Variants in GRIP1 observed in about 807,000 individuals in gnomAD.
GRIP1 encodes the protein glutamate receptor-interacting protein 1.
In GRIP1, 45 loss-of-function variants were observed where a neutral mutation model predicts 129.9. The ratio of observed to expected loss-of-function variants is 0.35; its 90% CI spans 0.27 to 0.44. The LOEUF is 0.44. Ranked by LOEUF, GRIP1 falls within the 20% of genes least tolerant of loss-of-function variation. The pLI is 1.00. For synonymous variants in GRIP1, 530 were observed against 520.8 expected (o/e 1.02, Z -0.24); for missense variants, 1,196 against 1,396.8 (o/e 0.86, Z 2.29).
At position 67,034,663 on chromosome 12, in the gene GRIP1, G is replaced by A. The variant is rs1302161422; in HGVS notation, c.58+34387C>T. On this transcript the variant is annotated intron_variant, in intron 1 of 1. Transcript: ENST00000643019. ...GAGTGAATGTGAAAGCCTAGAACAC[G>A]ACTGTACATTTTTAACACAACTGGC... 3.9e-5 allele frequency among the ~76,000 whole-genome samples: 6 copies of A among 152,246 alleles called. No individual in the cohort carries two copies. In the East Asian group the frequency reaches 7.7e-4, roughly 20 times the overall value.
chr12:66,686,805 T>C (rs1592743640), intron 1 of GRIP1, among the ~76,000 whole-genome samples: 1 of 152,150 alleles, frequency 6.6e-6, no homozygotes, highest in East Asian at 1.9e-4. Context: ...ACCTGTAATC[T>C]CAGCACTTTG....
At position 66,756,356 on chromosome 12, in the gene GRIP1, T is replaced by C. The variant is rs527820124; in HGVS notation, c.-420+47697A>G. On this transcript the variant is annotated intron_variant, in intron 1 of 4. Coordinates refer to the GRIP1 transcript ENST00000538373. ...GAATTTGTATATCCCCAATGAAGCA[T>C]TGGTATTTCGATCTTTGCTTCAGGG... is the stretch of plus-strand genomic sequence containing the variant. 9.5e-4 allele frequency among the ~76,000 whole-genome samples: 145 copies of C among 152,330 alleles called. 1 individual carries two copies. The highest frequency in any genetic ancestry group is 3.2e-3 in the African/African-American group (134 of 41,572).
intron 1 of GRIP1, among the ~76,000 whole-genome samples, chr12:66,615,063 T>C (rs540403839): frequency 6.6e-6 from 1 of 152,290 alleles, no homozygotes; most frequent in South Asian, 2.1e-4. Context: ...TTTACCTGTT[T>C]AATGTCTGTC....
At chr12:66,409,746 C>T (rs2057319135) in intron 15 of GRIP1, among the ~76,000 whole-genome samples, 1 of 152,174 alleles carries the variant, frequency 6.6e-6, no homozygotes, top group African/African-American at 2.4e-5. Flanking sequence ...GCCTTTCATA[C>T]AGAGAATTCT....
At chr12:66,695,360 A>G (rs545103506) in intron 1 of GRIP1, among the ~76,000 whole-genome samples, 97 of 152,042 alleles carry the variant, frequency 6.4e-4, no homozygotes, top group African/African-American at 2.3e-3. Flanking sequence ...AGTATGCTGG[A>G]CAGAGAACAC....
chr12:66,997,352 G>A (rs894787630), intron 1 of GRIP1, among the ~76,000 whole-genome samples: 2 of 152,068 alleles, frequency 1.3e-5, no homozygotes, highest in Non-Finnish European at 1.5e-5. Flanking sequence ...GTTGAGGTGA[G>A]AGGATCGCTT....
intron 14 of GRIP1, among the ~76,000 whole-genome samples, chr12:66,423,430 T>C (rs1466868342): frequency 6.6e-6 from 1 of 152,250 alleles, no homozygotes; most frequent in African/African-American, 2.4e-5. Context: ...GAGCCTTTGA[T>C]TTCCCATTTG....
chr12:66,804,908 G>A (rs2038958131), upstream of GRIP1, among the ~76,000 whole-genome samples: 1 of 152,192 alleles, frequency 6.6e-6, no homozygotes, highest in Admixed American at 6.5e-5. Flanking sequence ...GTTAATTGGA[G>A]CAGCAGGGAG....
intron 1 of GRIP1, among the ~76,000 whole-genome samples, chr12:66,743,597 TG>T (rs368730364): frequency 1.8e-3 from 148 of 81,282 alleles, no homozygotes; most frequent in Non-Finnish European, 3.9e-3. Context: ...GCTTTTTTTT[TG>T]TGTGTGTGTG....
chr12:66,781,977 C>T (rs1355765601), intron 1 of GRIP1, among the ~76,000 whole-genome samples: 3 of 152,126 alleles, frequency 2.0e-5, no homozygotes, highest in African/African-American at 7.2e-5. Flanking sequence ...TTTATATAAA[C>T]TTCAAAAACA....
chr12:66,615,777 TG>T (rs1219842844), intron 1 of GRIP1, among the ~76,000 whole-genome samples: 1 of 152,176 alleles, frequency 6.6e-6, no homozygotes, highest in Non-Finnish European at 1.5e-5. Flanking sequence ...CCCGAGTAGC[TG>T]GGATTACAGG....
chr12:66,379,758 A>G (rs2056013838), intron 19 of GRIP1, among the ~76,000 whole-genome samples: 1 of 152,154 alleles, frequency 6.6e-6, no homozygotes, highest in Non-Finnish European at 1.5e-5. Context: ...TAATTTTTGG[A>G]GAATCGGTTT....
chr12:66,476,597 T>C (rs561035194), intron 7 of GRIP1, among the ~76,000 whole-genome samples: 3 of 152,176 alleles, frequency 2.0e-5, no homozygotes, highest in Non-Finnish European at 4.4e-5. Flanking sequence ...TAGACCAATA[T>C]CCCTGATGAA....
At chr12:66,416,428 T>G (rs1430211135) in intron 15 of GRIP1, among the ~76,000 whole-genome samples, 1 of 152,002 alleles carries the variant, frequency 6.6e-6, no homozygotes, top group Non-Finnish European at 1.5e-5. Flanking sequence ...AACAAATGAA[T>G]TTGAAATGAA....
chr12:66,477,702 T>C (rs11560004), intron 7 of GRIP1, among the ~76,000 whole-genome samples: 97,088 of 151,868 alleles, frequency 0.64, 31,467 homozygotes, highest in Middle Eastern at 0.78. Context: ...TGGAACAGAA[T>C]AGAGCCCTCA....
chr12:66,713,605 C>A (rs919629614), intron 1 of GRIP1, among the ~76,000 whole-genome samples: 2 of 151,988 alleles, frequency 1.3e-5, no homozygotes, highest in Non-Finnish European at 2.9e-5. Flanking sequence ...AAATATCCTC[C>A]ACTGTCCATC....
chr12:66,441,674 G>A (rs1412118666), intron 13 of GRIP1, among the ~76,000 whole-genome samples: 2 of 152,160 alleles, frequency 1.3e-5, no homozygotes, highest in African/African-American at 4.8e-5. Context: ...ATAGTACAGT[G>A]CTTAGCACCT....
chr12:66,695,363 G>C (rs976783742), intron 1 of GRIP1, among the ~76,000 whole-genome samples: 6 of 151,966 alleles, frequency 3.9e-5, no homozygotes, highest in Admixed American at 1.3e-4. Flanking sequence ...ATGCTGGACA[G>C]AGAACACCTG....
intron 4 of GRIP1, among the ~76,000 whole-genome samples, chr12:66,538,521 C>G (rs1480162651): frequency 2.6e-5 from 4 of 151,876 alleles, no homozygotes; most frequent in Admixed American, 6.6e-5. Flanking sequence ...TTCAAGGAAC[C>G]CTTATTTTAC....
Sources: allele counts gnomAD v4.1 joint callset (sites outside exome capture counted in the v4.1 genomes callset), GRCh38; gene constraint gnomAD v4.1.1; transcripts MANE v1.5; gene names NCBI Gene and HGNC (gene_info 2026-07-23, HGNC 2026-07-21).